Variants in ASAP3 observed in about 807,000 individuals in gnomAD.
The protein encoded by ASAP3 is ArfGAP with SH3 domain, ankyrin repeat and PH domain 3.
In ASAP3, 85 loss-of-function variants were observed where a neutral mutation model predicts 118.2. That is an observed-to-expected ratio of 0.72 (90% CI 0.60 to 0.86). The LOEUF (loss-of-function observed/expected upper bound fraction) is 0.86, where lower values mean the gene tolerates loss of function less well. ASAP3 is among the 40% of genes least tolerant of loss of function. ASAP3 has a pLI of 0.00. For missense variants in ASAP3, 1,026 were observed against 1,175.0 expected, an observed-to-expected ratio of 0.87 and a Z score of 1.85; for synonymous variants, 432 against 477.4, an observed-to-expected ratio of 0.90 and a Z score of 1.24.
intron 10 of ASAP3, among the ~76,000 whole-genome samples, chr1:23,440,161 C>G (rs765720724): frequency 1.3e-5 from 2 of 148,712 alleles, no homozygotes; most frequent in African/African-American, 5.0e-5. Flanking sequence ...AAGCAAGGCA[C>G]AGCCAATACT....
At chr1:23,442,711 G>A in intron 5 of ASAP3, 99 bp from the exon 6 acceptor site, 1 of 1,495,942 alleles carries the variant, frequency 6.7e-7, no homozygotes. Context: ...GGTGCAGGAG[G>A]CCCTCCTGTG....
intron 22 of ASAP3, among the ~76,000 whole-genome samples, chr1:23,432,152 G>A (rs571381650): frequency 1.3e-5 from 2 of 151,818 alleles, no homozygotes; most frequent in Non-Finnish European, 2.9e-5. Context: ...GATTACAGGT[G>A]CATGCCACCA....
At chr1:23,448,587 G>A (rs1169053654) in intron 5 of ASAP3, among the ~76,000 whole-genome samples, 1 of 151,584 alleles carries the variant, frequency 6.6e-6, no homozygotes, top group Non-Finnish European at 1.5e-5. Flanking sequence ...GCCACCATGT[G>A]TGGCTTCTAA....
rs370639818 is a variant in ASAP3 at position 23,433,289 on chromosome 1, T to C, written c.2128-17A>G. On this transcript the variant is annotated splice_polypyrimidine_tract_variant and intron_variant, in intron 21 of 24. Transcript: ENST00000336689. ...CAAGCAGCGCTGCCAGAGCAAAAGA[T>C]TGAGGATGAGGACAGCCTGGTTCCT... 9.4e-5 allele frequency: 151 copies of C among 1,604,012 alleles called. 1 individual carries two copies. The highest frequency in any genetic ancestry group is 7.1e-4 in the South Asian group (64 of 90,220).
At chr1:23,447,216 T>C (rs1224638292) in intron 5 of ASAP3, among the ~76,000 whole-genome samples, 3 of 152,178 alleles carry the variant, frequency 2.0e-5, no homozygotes, top group Non-Finnish European at 2.9e-5. Flanking sequence ...CCACCTGCCA[T>C]TAGTCATTCA....
rs1176425454 is a variant in ASAP3, at chr1:23,455,140, G to A, written c.348+741C>T. On this transcript the variant is annotated intron_variant, in intron 3 of 24. Coordinates refer to ENST00000336689, the MANE Select transcript of ASAP3 (RefSeq NM_017707.4). ...AGACAACCTGGGTTCAAACCGAACC[G>A]TGTGACCTCGGGCAAGCTGCTTAAC... Among the ~76,000 whole-genome samples the A allele has an allele frequency of 2.6e-5, 4 of 152,206 alleles. No homozygotes were observed. The South Asian group carries it at 6.2e-4, about 24-fold the overall frequency.
chr1:23,450,808 C>T (rs1184458121), intron 5 of ASAP3, among the ~76,000 whole-genome samples: 1 of 152,060 alleles, frequency 6.6e-6, no homozygotes, highest in Non-Finnish European at 1.5e-5. Context: ...CAGTATGGGC[C>T]TGGCTGGGCA....
rs1640865848 is a variant in ASAP3, at chr1:23,441,313, G to A, written c.834+74C>T. Reference sequence around the variant, plus strand: ...GAGACTTCTCCAGGGGACCCTGTGGGTCTTCCTTCTCTCCCTCCCTCCACG... The same window carrying A: ...GAGACTTCTCCAGGGGACCCTGTGGATCTTCCTTCTCTCCCTCCCTCCACG... On this transcript the variant is annotated intron_variant, in intron 9 of 24. Coordinates refer to ENST00000336689, the MANE Select transcript of ASAP3 (RefSeq NM_017707.4). 4 of 1,605,076 alleles carry A rather than the reference G, an allele frequency of 2.5e-6. No homozygotes were observed. In the Admixed American group the frequency reaches 6.7e-5, roughly 27 times the overall value.
chr1:23,459,947 T>A (rs1641516483), intron 1 of ASAP3, among the ~76,000 whole-genome samples: 1 of 152,176 alleles, frequency 6.6e-6, no homozygotes. Context: ...AAGACTACAT[T>A]TCCTACCTTG....
chr1:23,470,121 G>A (rs181907299), intron 1 of ASAP3, among the ~76,000 whole-genome samples: 28 of 152,260 alleles, frequency 1.8e-4, no homozygotes, highest in Non-Finnish European at 7.4e-5. Context: ...CCCTCAGTGT[G>A]CCTCTGAGCG....
intron 6 of ASAP3, 29 bp downstream of exon 6, chr1:23,442,472 C>A: frequency 6.2e-7 from 1 of 1,607,258 alleles, no homozygotes; most frequent in Non-Finnish European, 8.5e-7. Context: ...ATCCCACGCC[C>A]CCCCTCCCTC....
chr1:23,459,104 A>G (rs1465823413), intron 1 of ASAP3, among the ~76,000 whole-genome samples: 2 of 128,810 alleles, frequency 1.6e-5, no homozygotes, highest in Non-Finnish European at 3.1e-5. Context: ...CGAGAGGTGG[A>G]GGTTGCAGTG....
At chr1:23,462,530 T>C (rs2148646867) in intron 1 of ASAP3, among the ~76,000 whole-genome samples, 1 of 151,096 alleles carries the variant, frequency 6.6e-6, no homozygotes, top group African/African-American at 2.4e-5. Context: ...CCCAGCACTT[T>C]GGGAGGCTGA....
Position 23,456,168 on chromosome 1 carries a change from C to T in ASAP3, c.156G>A (p.Leu52=). 1 of 1,614,158 alleles carries T rather than the reference C, an allele frequency of 6.2e-7. No individual in the cohort carries two copies. Among genetic ancestry groups the T allele is most frequent in the South Asian group, 1.1e-5 (1 of 91,076 alleles). The change falls in exon 2 of 25, where the codon CTG becomes CTA. Residue 52 remains leucine, a synonymous_variant. Transcript: ENST00000336689. The part of the protein sequence containing the change: ...EEILEGDQAI[L]QRIKKAVRAI... Reference sequence around the variant, plus strand: ...CCCGCACAGCCTTCTTTATTCTCTGCAGGATGGCTTGGTCTCCTTCCAAGA... The same window carrying T: ...CCCGCACAGCCTTCTTTATTCTCTGTAGGATGGCTTGGTCTCCTTCCAAGA...
intron 19 of ASAP3, 100 bp from the exon 20 acceptor site, chr1:23,433,793 T>A: frequency 6.7e-7 from 1 of 1,488,784 alleles, no homozygotes; most frequent in Non-Finnish European, 9.2e-7. Context: ...TGGGTTTGAA[T>A]CCTGGCTCTG....
chr1:23,445,466 G>A (rs1465241850), intron 5 of ASAP3, among the ~76,000 whole-genome samples: 1 of 151,832 alleles, frequency 6.6e-6, no homozygotes, highest in Non-Finnish European at 1.5e-5. Flanking sequence ...ACTCCAGCCT[G>A]GGTGACAGAG....
In ASAP3 at chr1:23,436,692, A is replaced by C; in HGVS notation, c.1477-38T>G. On this transcript the variant is annotated intron_variant, in intron 15 of 24. Transcript: ENST00000336689. The surrounding 1 kb of genome is among the most constrained non-coding windows in gnomAD (Gnocchi z 4.2). ...GAAAATAGACGTGGGGCGGAGTAAGACCGGGCGGTTAAGCCTGCATAGGGT... is the reference window on the plus strand; with the variant it reads ...GAAAATAGACGTGGGGCGGAGTAAGCCCGGGCGGTTAAGCCTGCATAGGGT... The C allele has an allele frequency of 6.2e-7, 1 of 1,612,300 alleles. No homozygotes were observed. Among genetic ancestry groups the C allele is most frequent in the Non-Finnish European group, 8.5e-7 (1 of 1,178,408 alleles).
Position 23,436,479 on chromosome 1 carries a change from C to G in ASAP3, c.1571+81G>C, listed in dbSNP as rs963960816. On this transcript the variant is annotated intron_variant, in intron 16 of 24. Coordinates refer to ENST00000336689, the MANE Select transcript of ASAP3 (RefSeq NM_017707.4). This position sits in a 1 kb window ranked among gnomAD's most constrained non-coding sequence, Gnocchi z 4.2. ...CGCCCAGCCTCCCCAGACTTCTGAT[C>G]CAAGACTTTTCTACGACCCTGGACA... 5 of 1,520,684 alleles carry G rather than the reference C, an allele frequency of 3.3e-6. No homozygotes were observed. The African/African-American group carries it at 5.5e-5, about 17-fold the overall frequency. 94.2% of individuals were successfully genotyped at this position (1,520,684 alleles called of 1,614,324 possible).
intron 1 of ASAP3, among the ~76,000 whole-genome samples, chr1:23,468,177 G>A (rs530026296): frequency 2.8e-4 from 42 of 152,120 alleles, no homozygotes; most frequent in African/African-American, 9.4e-4. Flanking sequence ...GAACTAAACC[G>A]TTAAGACTCT....
Sources: allele counts gnomAD v4.1 joint callset (sites outside exome capture counted in the v4.1 genomes callset), GRCh38; gene constraint gnomAD v4.1.1; non-coding constraint Gnocchi (gnomAD v3.1); transcripts MANE v1.5; gene names NCBI Gene and HGNC (gene_info 2026-07-23, HGNC 2026-07-21).